Variants in SUSD4 observed in about 807,000 individuals in gnomAD.
SUSD4 encodes sushi domain containing 4, also known as sushi domain-containing protein 4.
SUSD4 carries 41 observed loss-of-function variants against 50.5 expected under a neutral mutation model. That is an observed-to-expected ratio of 0.81 (90% CI 0.63 to 1.05). The LOEUF (loss-of-function observed/expected upper bound fraction) is 1.05. Ranked by LOEUF, SUSD4 falls within the 50% of genes least tolerant of loss-of-function variation. The pLI, the probability that SUSD4 is intolerant of heterozygous loss-of-function variation, is 0.00. For missense variants in SUSD4, 580 were observed against 634.7 expected (o/e 0.91, Z 0.93); for synonymous variants, 257 against 257.3 (o/e 1.00, Z 0.01).
At chr1:223,362,182 G>A (rs1356311178) in intron 2 of SUSD4, among the ~76,000 whole-genome samples, 6 of 152,136 alleles carry the variant, frequency 3.9e-5, no homozygotes, top group Non-Finnish European at 7.3e-5. Flanking sequence ...GAATGCCTGG[G>A]TTATTGATTA....
At chr1:223,296,860 T>C (rs1404363221) in intron 2 of SUSD4, among the ~76,000 whole-genome samples, 1 of 152,214 alleles carries the variant, frequency 6.6e-6, no homozygotes, top group Non-Finnish European at 1.5e-5. Context: ...CCTTCTGCCA[T>C]GATTGTGAGT....
chr1:223,274,866 C>T (rs1327460364), intron 3 of SUSD4, among the ~76,000 whole-genome samples: 2 of 151,724 alleles, frequency 1.3e-5, no homozygotes, highest in Non-Finnish European at 2.9e-5. Context: ...TCATAGAGCT[C>T]TTTTTTTTCT....
chr1:223,307,824 G>A (rs1217150695), intron 2 of SUSD4, among the ~76,000 whole-genome samples: 1 of 152,038 alleles, frequency 6.6e-6, no homozygotes, highest in Non-Finnish European at 1.5e-5. Flanking sequence ...TGTTGTTGTC[G>A]TACTTTGTTT....
At chr1:223,323,398 C>G (rs943100158) in intron 2 of SUSD4, among the ~76,000 whole-genome samples, 1 of 152,142 alleles carries the variant, frequency 6.6e-6, no homozygotes, top group East Asian at 1.9e-4. Context: ...CCCCAGTAGA[C>G]AGAAAATGGT....
At chr1:223,352,808 G>A (rs181253983) in intron 2 of SUSD4, among the ~76,000 whole-genome samples, 1 of 152,150 alleles carries the variant, frequency 6.6e-6, no homozygotes, top group Non-Finnish European at 1.5e-5. Context: ...GCAACTCCCA[G>A]TTCACCCCAC....
At chr1:223,364,433 C>G (rs1291170258), upstream of SUSD4, among the ~76,000 whole-genome samples, 4 of 148,226 alleles carry the variant, frequency 2.7e-5, no homozygotes, top group African/African-American at 9.8e-5. This position sits in a 1 kb window ranked among gnomAD's most constrained non-coding sequence, Gnocchi z 4.5. Context: ...CCAACCCAGC[C>G]GGCGCCGCGG....
chr1:223,233,483 C>T (rs993163610), intron 5 of SUSD4, among the ~76,000 whole-genome samples: 7 of 152,246 alleles, frequency 4.6e-5, no homozygotes, highest in Admixed American at 2.0e-4. Context: ...CTATGAGGCT[C>T]GACTGAGTAC....
At chr1:223,270,460 T>C (rs966353709) in intron 3 of SUSD4, among the ~76,000 whole-genome samples, 7 of 151,980 alleles carry the variant, frequency 4.6e-5, no homozygotes, top group Non-Finnish European at 8.8e-5. Flanking sequence ...AGGACACCTG[T>C]CATCAGGTCT....
At chr1:223,238,856 A>G (rs972625122) in intron 5 of SUSD4, among the ~76,000 whole-genome samples, 24 of 151,924 alleles carry the variant, frequency 1.6e-4, no homozygotes, top group African/African-American at 4.6e-4. Context: ...TTGTTTGATG[A>G]TTGATGGTGT....
chr1:223,249,536 A>G (rs1661162397), intron 5 of SUSD4, among the ~76,000 whole-genome samples: 1 of 152,206 alleles, frequency 6.6e-6, no homozygotes. Flanking sequence ...CTAATAGATG[A>G]GGAAATACAT....
chr1:223,363,481 C>T, intron 1 of SUSD4, 21 bp from the exon 2 acceptor site: 1 of 1,455,588 alleles, frequency 6.9e-7, no homozygotes, highest in African/African-American at 1.4e-5. Flanking sequence ...AAGCGGAACA[C>T]CACAATAAGC....
At chr1:223,328,138 C>G (rs1666981235) in intron 2 of SUSD4, among the ~76,000 whole-genome samples, 2 of 151,884 alleles carry the variant, frequency 1.3e-5, no homozygotes, top group Admixed American at 1.3e-4. Flanking sequence ...CATCTTTCAA[C>G]TCTGTTATTA....
intron 2 of SUSD4, among the ~76,000 whole-genome samples, chr1:223,349,342 A>G (rs893462948): frequency 1.3e-5 from 2 of 152,166 alleles, no homozygotes; most frequent in Non-Finnish European, 2.9e-5. Flanking sequence ...ATAATTCAAT[A>G]TTTACCTGAC....
At chr1:223,348,871 T>G (rs1018065403) in intron 2 of SUSD4, among the ~76,000 whole-genome samples, 7 of 152,132 alleles carry the variant, frequency 4.6e-5, no homozygotes, top group African/African-American at 1.7e-4. Context: ...CAAACCCACT[T>G]CAGAGAAATG....
chr1:223,335,737 C>A (rs80034327), intron 2 of SUSD4, among the ~76,000 whole-genome samples: 1 of 152,050 alleles, frequency 6.6e-6, no homozygotes, highest in East Asian at 1.9e-4. Flanking sequence ...GAATCTAACA[C>A]GAAGCAGTCA....
At chr1:223,302,998 A>G (rs896709170) in intron 2 of SUSD4, among the ~76,000 whole-genome samples, 3 of 152,158 alleles carry the variant, frequency 2.0e-5, no homozygotes, top group African/African-American at 7.2e-5. Flanking sequence ...TAAAATTAAA[A>G]TTATCTGGGC....
chr1:223,345,718 CA>C (rs1395953864), intron 2 of SUSD4, among the ~76,000 whole-genome samples: 1 of 152,164 alleles, frequency 6.6e-6, no homozygotes, highest in Non-Finnish European at 1.5e-5. Context: ...ATCTTAAGAC[CA>C]AACTCATCAT....
Position 223,264,215 on chromosome 1 carries a change from A to G in SUSD4, c.724+415T>C, listed in dbSNP as rs550844861. The G allele has an allele frequency of 2.4e-5, 24 of 985,440 alleles. No individual in the cohort carries two copies. In the South Asian group the frequency reaches 7.5e-4, roughly 31 times the overall value. 61.0% of individuals were successfully genotyped at this position (985,440 alleles called of 1,614,324 possible). ...TCCAAGGGTGTGCTTGCAGCAAAAC[A>G]TTTACAGCTAAGCCATAAAGTGCAT... On this transcript the variant is annotated intron_variant, in intron 5 of 8. Transcript: ENST00000366878.
At position 223,268,636 on chromosome 1, in the gene SUSD4, T is replaced by TCTA; in HGVS notation, c.400_401insTAG (p.Asn134delinsIleAsp). On this transcript the variant is annotated protein_altering_variant, in exon 4 of 9. Transcript: ENST00000366878. ...CTTCTCTCCATGTCTATATGTCTTGTTATGAATCTCAGCATCTTCGATTTG... is the reference window on the plus strand; with the variant it reads ...CTTCTCTCCATGTCTATATGTCTTGTCTATATGAATCTCAGCATCTTCGATTTG... The TCTA allele has an allele frequency of 1.2e-6, 2 of 1,613,704 alleles. No individual in the cohort carries two copies. The highest frequency in any genetic ancestry group is 1.7e-6 in the Non-Finnish European group (2 of 1,179,908).
Sources: allele counts gnomAD v4.1 joint callset (sites outside exome capture counted in the v4.1 genomes callset), GRCh38; gene constraint gnomAD v4.1.1; non-coding constraint Gnocchi (gnomAD v3.1); transcripts MANE v1.5; gene names NCBI Gene and HGNC (gene_info 2026-07-23, HGNC 2026-07-21).